SLC22A9: variants seen among roughly 807,000 people sequenced by gnomAD.
SLC22A9 encodes the protein organic anion transporter 7.
In SLC22A9, 64 loss-of-function variants were observed where a neutral mutation model predicts 50.1. The observed-to-expected ratio is 1.28, with a 90% CI of 1.04 to 1.57. SLC22A9 has a LOEUF of 1.57. Among genes scored for constraint, SLC22A9 ranks in the 40% most tolerant of loss-of-function variants. The pLI, the probability that SLC22A9 is intolerant of heterozygous loss-of-function variation, is 0.00. For synonymous variants in SLC22A9, 261 were observed against 242.5 expected (o/e 1.08, Z -0.71); for missense variants, 757 against 676.1 (o/e 1.12, Z -1.33).
chr11:63,391,793 A>G (rs2014768099), intron 6 of SLC22A9, among the ~76,000 whole-genome samples: 1 of 151,764 alleles, frequency 6.6e-6, no homozygotes. Context: ...AGTTTAGTTC[A>G]TTTACCTTAT....
At position 63,408,722 on chromosome 11, in the gene SLC22A9, G is replaced by T; in HGVS notation, c.1444G>T (p.Ala482Ser). 26 of 1,613,966 alleles carry T rather than the reference G, an allele frequency of 1.6e-5. No individual in the cohort carries two copies. The highest frequency in any genetic ancestry group is 2.2e-5 in the Non-Finnish European group (26 of 1,179,930). The stretch of plus-strand genomic sequence containing the variant: ...TGCAACCTTTGCTAATATAGCAGGA[G>T]CCCTGGCTCCCCTCATGATGATCCT... ...INATFANIAG[A>S]LAPLMMILSV... The change falls in exon 9 of 10, where the codon GCC (alanine) becomes TCC (serine). Residue 482 changes from alanine (A) to serine (S), a missense_variant. Physicochemically the swap from Ala to Ser is moderately conservative, Grantham distance 99. Coordinates refer to ENST00000279178, the MANE Select transcript of SLC22A9 (RefSeq NM_080866.3).
In SLC22A9 at chr11:63,369,886, A is replaced by G; in HGVS notation, c.-171A>G. On this transcript the variant is annotated 5_prime_UTR_variant, in exon 1 of 10. Transcript: ENST00000279178. ...TATCTGACCCCAAAACGACTTGAGG[A>G]AACTGTTTCCACGGTCCTGCTGCAG... The G allele has an allele frequency of 1.6e-6, 1 of 609,204 alleles. No homozygotes were observed. Among genetic ancestry groups the G allele is most frequent in the South Asian group, 3.0e-5 (1 of 33,670 alleles). 37.7% of individuals were successfully genotyped at this position (609,204 alleles called of 1,614,324 possible).
At chr11:63,403,821 A>C (rs77413249) in intron 6 of SLC22A9, among the ~76,000 whole-genome samples, 13,566 of 151,328 alleles carry the variant, frequency 0.09, 852 homozygotes, top group African/African-American at 0.15. Flanking sequence ...ATAAATAAAT[A>C]AATCAATCAA....
intron 6 of SLC22A9, among the ~76,000 whole-genome samples, chr11:63,392,759 A>G (rs1253805325): frequency 1.3e-5 from 2 of 152,148 alleles, no homozygotes; most frequent in East Asian, 3.9e-4. Context: ...TAGCTTATAC[A>G]GTTCATTGAA....
At position 63,408,115 on chromosome 11, in the gene SLC22A9, T is replaced by G; in HGVS notation, c.1292T>G (p.Met431Arg). 1 of 1,613,134 alleles carries G rather than the reference T, an allele frequency of 6.2e-7. No individual in the cohort carries two copies. The highest frequency in any genetic ancestry group is 8.5e-7 in the Non-Finnish European group (1 of 1,179,360). ...LLAIIFVPQEMQTLREVLATL... is the reference protein window; with the variant it reads ...LLAIIFVPQERQTLREVLATL... Reference sequence around the variant, plus strand: ...CTTGTGTTCTTCCTTTCTCCAGAAATGCAGACGCTGCGTGAGGTTTTGGCA... The same window carrying G: ...CTTGTGTTCTTCCTTTCTCCAGAAAGGCAGACGCTGCGTGAGGTTTTGGCA... The change falls in exon 8 of 10, where the codon ATG becomes AGG. Residue 431 changes from methionine to arginine, a missense_variant. Physicochemically the swap from Met to Arg is moderately conservative, Grantham distance 91 (BLOSUM62 -1). Coordinates refer to ENST00000279178, the MANE Select transcript of SLC22A9 (RefSeq NM_080866.3).
chr11:63,369,975 G>C lies in SLC22A9; in HGVS notation c.-82G>C. On this transcript the variant is annotated 5_prime_UTR_variant, in exon 1 of 10. Transcript: ENST00000279178. The stretch of plus-strand genomic sequence containing the variant: ...ATCAAAACACATTTAGTGTGACTTA[G>C]GGAAAGAAAACATTTTCCCTCTTTG... The C allele has an allele frequency of 1.4e-6, 2 of 1,386,978 alleles. No homozygotes were observed. Among genetic ancestry groups the C allele is most frequent in the East Asian group, 2.3e-5 (1 of 43,400 alleles). 85.9% of individuals were successfully genotyped at this position (1,386,978 alleles called of 1,614,324 possible). A position where few individuals can be genotyped will look rare whatever the true frequency, so the allele number is the denominator to read the frequency against.
At chr11:63,395,287 G>A (rs2014833694) in intron 6 of SLC22A9, among the ~76,000 whole-genome samples, 1 of 152,038 alleles carries the variant, frequency 6.6e-6, no homozygotes, top group Non-Finnish European at 1.5e-5. Flanking sequence ...GTGAGCTAGT[G>A]TAATGTTGGG....
chr11:63,396,792 A>G (rs1371078815), intron 6 of SLC22A9, among the ~76,000 whole-genome samples: 1 of 151,964 alleles, frequency 6.6e-6, no homozygotes, highest in Non-Finnish European at 1.5e-5. Flanking sequence ...AATTTCATAG[A>G]TTTTCCTCAA....
chr11:63,382,118 T>C, intron 5 of SLC22A9, 41 bp from the exon 6 acceptor site: 1 of 1,524,906 alleles, frequency 6.6e-7, no homozygotes. Flanking sequence ...CCTACTCTTT[T>C]CTGACAACTG....
intron 6 of SLC22A9, among the ~76,000 whole-genome samples, chr11:63,386,434 CTTTTTTTTTTTTTTTTTTTTTTT>C (rs71065364): frequency 6.9e-4 from 23 of 33,498 alleles, no homozygotes; most frequent in Non-Finnish European, 1.0e-3. Flanking sequence ...TGGACCTGGA[CTTTTTTTTTTTTTTTTTTTTTTT>C]TTTTTTTTTT....
intron 6 of SLC22A9, among the ~76,000 whole-genome samples, chr11:63,405,952 C>T (rs79487798): frequency 0.034 from 5,235 of 152,178 alleles, 273 homozygotes; most frequent in African/African-American, 0.12. Context: ...CATCATTTTA[C>T]GATAATTTAA....
At chr11:63,375,885 G>A (rs898615373) in intron 5 of SLC22A9, 117 bp downstream of exon 5, 2 of 1,298,648 alleles carry the variant, frequency 1.5e-6, no homozygotes, top group African/African-American at 1.5e-5. Flanking sequence ...ATGGTTATGG[G>A]CTGTATCACC....
rs781025862 is a variant in SLC22A9 at position 63,370,303 on chromosome 11, A to T, written c.247A>T (p.Met83Leu). 6.2e-7 allele frequency: 1 copy of T among 1,614,014 alleles called. No individual in the cohort carries two copies. Among genetic ancestry groups the T allele is most frequent in the South Asian group, 1.1e-5 (1 of 91,076 alleles). The change falls in exon 1 of 10, where the codon ATG becomes TTG. Residue 83 changes from methionine (M) to leucine (L), a missense_variant. Physicochemically the swap from Met to Leu is conservative, Grantham distance 15 (BLOSUM62 2). Coordinates refer to ENST00000279178, the MANE Select transcript of SLC22A9 (RefSeq NM_080866.3). ...LRISIPLDSN[M>L]RPEKCRRFVH... is the part of the protein sequence containing the mutation. ...AATCTCCATCCCACTGGACTCAAACATGAGGCCAGAGAAGTGTCGTCGCTT... is the reference window on the plus strand; with the variant it reads ...AATCTCCATCCCACTGGACTCAAACTTGAGGCCAGAGAAGTGTCGTCGCTT...
chr11:63,386,244 G>C (rs2014663792), intron 6 of SLC22A9, among the ~76,000 whole-genome samples: 1 of 151,948 alleles, frequency 6.6e-6, no homozygotes, highest in Non-Finnish European at 1.5e-5. Flanking sequence ...ATATAGGCCT[G>C]AAGTATTCTT....
rs2015109194 is a variant in SLC22A9, at chr11:63,409,878, G to C, written c.*16G>C. ...GCAGTTTTAAGGAATTCCAGGAGCT[G>C]ACTGCCGATCAATGAGCCAGATGAA... On this transcript the variant is annotated 3_prime_UTR_variant, in exon 10 of 10. Transcript: ENST00000279178. The C allele has an allele frequency of 6.2e-7, 1 of 1,613,090 alleles. No homozygotes were observed. Among genetic ancestry groups the C allele is most frequent in the Non-Finnish European group, 8.5e-7 (1 of 1,179,536 alleles).
At chr11:63,407,566 T>C (rs950884945) in intron 7 of SLC22A9, among the ~76,000 whole-genome samples, 1 of 152,140 alleles carries the variant, frequency 6.6e-6, no homozygotes, top group African/African-American at 2.4e-5. Context: ...AAAGTCTGAC[T>C]TTTTTTCCTC....
Position 63,410,260 on chromosome 11 carries a change from A to AAAAAAAAAAGAAG in SLC22A9, c.*398_*399insAAAAAAAAAGAAG, listed in dbSNP as rs1555017405. On this transcript the variant is annotated 3_prime_UTR_variant, in exon 10 of 10. Coordinates refer to ENST00000279178, the MANE Select transcript of SLC22A9 (RefSeq NM_080866.3). ...TCTCAAAAAAAAAAAAAAAAAAAAA[A>AAAAAAAAAAGAAG]GAAAGAAGGAAAGAAAGAAAGAAAA... 1 of 136,808 alleles carries AAAAAAAAAAGAAG rather than the reference A, an allele frequency of 7.3e-6. No homozygotes were observed. Among genetic ancestry groups the AAAAAAAAAAGAAG allele is most frequent in the Non-Finnish European group, 1.5e-5 (1 of 67,428 alleles). The allele number at this position is 136,808 out of a possible 1,614,324, so 8.5% of individuals were successfully genotyped here. A position where few individuals can be genotyped will look rare whatever the true frequency, so the allele number is the denominator to read the frequency against.
intron 2 of SLC22A9, among the ~76,000 whole-genome samples, chr11:63,373,310 G>C (rs1010028549): frequency 6.6e-6 from 1 of 151,994 alleles, no homozygotes; most frequent in Non-Finnish European, 1.5e-5. Flanking sequence ...AAGTACATGG[G>C]AGACACATTG....
chr11:63,397,535 A>G (rs2014880304), intron 6 of SLC22A9, among the ~76,000 whole-genome samples: 1 of 152,102 alleles, frequency 6.6e-6, no homozygotes, highest in East Asian at 1.9e-4. Flanking sequence ...AGAGTCAGAA[A>G]CCTTTGAAAT....
Sources: allele counts gnomAD v4.1 joint callset (sites outside exome capture counted in the v4.1 genomes callset), GRCh38; gene constraint gnomAD v4.1.1; transcripts MANE v1.5; gene names NCBI Gene and HGNC (gene_info 2026-07-23, HGNC 2026-07-21).